PRDM1: variants seen among roughly 807,000 people sequenced by gnomAD.
PRDM1 encodes PR/SET domain 1.
A neutral mutation model predicts 62.8 loss-of-function variants in PRDM1; 13 were observed. That is an observed-to-expected ratio of 0.21 (90% confidence interval 0.13 to 0.33). PRDM1 has a LOEUF of 0.33. PRDM1 is among the 10% of genes least tolerant of loss of function. The pLI is 1.00. For synonymous variants in PRDM1, 396 were observed against 417.6 expected, an observed-to-expected ratio of 0.95 and a Z score of 0.63; for missense variants, 895 against 1,058.8, an observed-to-expected ratio of 0.85 and a Z score of 2.15.
At chr6:106,083,258 G>C (rs982522032), upstream of PRDM1, among the ~76,000 whole-genome samples, 2 of 148,700 alleles carry the variant, frequency 1.3e-5, no homozygotes, top group South Asian at 2.2e-4. Flanking sequence ...AGAAGAGGGT[G>C]GGGGGGTTAT....
intron 3 of PRDM1, chr6:106,098,996 G>A: frequency 1.9e-6 from 3 of 1,584,906 alleles, no homozygotes; most frequent in Admixed American, 1.8e-5. Context: ...CTCTGTGGTG[G>A]GTTAATCGGT....
At chr6:106,056,722 T>C (rs1186826460) in intron 1 of PRDM1, among the ~76,000 whole-genome samples, 2 of 152,240 alleles carry the variant, frequency 1.3e-5, no homozygotes, top group Admixed American at 6.5e-5. Flanking sequence ...AATAAATTCA[T>C]TTACATTCTC....
Position 106,105,283 on chromosome 6 carries a change from G to C in PRDM1, c.1123G>C (p.Ala375Pro), listed in dbSNP as rs748639953. 3.1e-6 allele frequency: 5 copies of C among 1,613,680 alleles called. No individual in the cohort carries two copies. The highest frequency in any genetic ancestry group is 4.2e-6 in the Non-Finnish European group (5 of 1,179,908). Residue 375 changes from alanine to proline, a missense_variant, in exon 5 of 7, where the codon GCT (alanine) becomes CCT (proline). By Grantham distance (27) the Ala-to-Pro change is conservative. Around this residue, in one of 4 missense-constraint regions of PRDM1, gnomAD observed 444 missense variants for 422.7 expected, o/e 1.05. Transcript: ENST00000369096. ...PGSQEHRDSYAYLNASYGTEG... is the reference protein window; with the variant it reads ...PGSQEHRDSYPYLNASYGTEG... The stretch of plus-strand genomic sequence containing the variant: ...CTCTCAAGAGCACCGGGACTCCTAC[G>C]CTTACTTGAACGCGTCCTACGGCAC...
Position 106,086,696 on chromosome 6 carries a change from T to C in PRDM1, c.42+101T>C, listed in dbSNP as rs919310300. ...TATTATTAATTTTTTTTGGCTAATGTCGCAGTAGAAACATGCTTCTGCTTT... is the reference window on the plus strand; with the variant it reads ...TATTATTAATTTTTTTTGGCTAATGCCGCAGTAGAAACATGCTTCTGCTTT... On this transcript the variant is annotated intron_variant, in intron 1 of 6. Transcript: ENST00000369096. The C allele has an allele frequency of 6.6e-5, 74 of 1,124,822 alleles. No individual in the cohort carries two copies. The East Asian group carries it at 1.8e-3, about 28-fold the overall frequency. 69.7% of individuals were successfully genotyped at this position (1,124,822 alleles called of 1,614,324 possible).
rs1582468107 is a variant in PRDM1 at position 106,096,012 on chromosome 6, T to C, written c.411+278T>C. The C allele has an allele frequency of 1.8e-5, 6 of 328,350 alleles. No homozygotes were observed. The East Asian group carries it at 3.0e-4, about 17-fold the overall frequency. 20.3% of individuals were successfully genotyped at this position (328,350 alleles called of 1,614,324 possible). ...TAATGAAAGGAAACAGTTTGTTGCTTGCTTTAAGGATAGGTTCATTTGCAT... is the reference window on the plus strand; with the variant it reads ...TAATGAAAGGAAACAGTTTGTTGCTCGCTTTAAGGATAGGTTCATTTGCAT... On this transcript the variant is annotated intron_variant, in intron 3 of 6. Transcript: ENST00000369096.
chr6:105,998,915 ATATATATATATATATATATTTTTTTTT>A (rs1315371511), intron 1 of PRDM1, among the ~76,000 whole-genome samples: 670 of 6,174 alleles, frequency 0.11, 7 homozygotes, highest in African/African-American at 0.17. Flanking sequence ...ATATATATAT[ATATATATATATATATATATTTTTTTTT>A]TTTTTTTTCT....
chr6:106,104,214 T>TC (rs1418946783), intron 4 of PRDM1, among the ~76,000 whole-genome samples: 2 of 151,900 alleles, frequency 1.3e-5, no homozygotes, highest in East Asian at 1.9e-4. Flanking sequence ...AGTTTTTTTT[T>TC]TTTTTTTCTT....
rs79247401 is a variant in PRDM1, at chr6:106,071,396, C to T, written c.-66-16805C>T. On this transcript the variant is annotated intron_variant, in intron 1 of 6. Transcript: ENST00000651185. The stretch of plus-strand genomic sequence containing the variant: ...AGTCACGTGTGTATATATATATATA[C>T]ACACACACACACATACATACATACA... 5.7e-3 allele frequency among the ~76,000 whole-genome samples: 855 copies of T among 150,036 alleles called. 15 individuals are homozygous for T. Among genetic ancestry groups the T allele is most frequent in the East Asian group, 0.045 (233 of 5,150 alleles).
chr6:106,043,258 T>C (rs1179123096), intron 1 of PRDM1, among the ~76,000 whole-genome samples: 1 of 152,220 alleles, frequency 6.6e-6, no homozygotes, highest in South Asian at 2.1e-4. Context: ...ACACAAACAA[T>C]TGCCATAATT....
intron 3 of PRDM1, chr6:106,096,167 T>TG (rs1309473346): frequency 6.0e-6 from 1 of 166,310 alleles, no homozygotes; most frequent in Non-Finnish European, 1.3e-5. Context: ...TTTTTTTTTT[T>TG]GAGATGGAGT....
At position 106,106,635 on chromosome 6, in the gene PRDM1, TG is replaced by T; in HGVS notation, c.1902+138del. ...GTCCCATCCTGGACTGATGGCACTATGGTCCTTCCCAGTACTTTGTATCTGC... is the reference window on the plus strand; with the variant it reads ...GTCCCATCCTGGACTGATGGCACTATGTCCTTCCCAGTACTTTGTATCTGC... On this transcript the variant is annotated intron_variant, in intron 6 of 6. Transcript: ENST00000369096. The surrounding 1 kb of genome is among the most constrained non-coding windows in gnomAD (Gnocchi z 4.4). 1 of 1,274,986 alleles carries T rather than the reference TG, an allele frequency of 7.8e-7. No individual in the cohort carries two copies. Among genetic ancestry groups the T allele is most frequent in the Non-Finnish European group, 1.1e-6 (1 of 929,674 alleles). 79.0% of individuals were successfully genotyped at this position (1,274,986 alleles called of 1,614,324 possible).
rs553877012 is a variant in PRDM1, at chr6:106,104,951, A to G, written c.791A>G (p.Lys264Arg). The G allele has an allele frequency of 6.2e-7, 1 of 1,614,180 alleles. No homozygotes were observed. The highest frequency in any genetic ancestry group is 2.2e-5 in the East Asian group (1 of 44,880). ...LKLDSNPSKGKDLYRSNISPL... is the reference protein window; with the variant it reads ...LKLDSNPSKGRDLYRSNISPL... Reference sequence around the variant, plus strand: ...TTGGACTCCAACCCCTCCAAAGGAAAGGACCTCTACCGTTCTAACATTTCA... The same window carrying G: ...TTGGACTCCAACCCCTCCAAAGGAAGGGACCTCTACCGTTCTAACATTTCA... The change falls in exon 5 of 7, where the codon AAG becomes AGG. Residue 264 changes from lysine (K) to arginine (R), a missense_variant. By Grantham distance (26) the Lys-to-Arg change is conservative. Transcript: ENST00000369096.
intron 2 of PRDM1, among the ~76,000 whole-genome samples, chr6:106,090,793 AC>A (rs1214976084): frequency 6.6e-6 from 1 of 152,056 alleles, no homozygotes; most frequent in African/African-American, 2.4e-5. Context: ...AAAAGATGTT[AC>A]AATATGTACT....
chr6:106,081,014 T>C (rs1397917151), intron 1 of PRDM1, among the ~76,000 whole-genome samples: 5 of 152,232 alleles, frequency 3.3e-5, no homozygotes, highest in African/African-American at 9.6e-5. Flanking sequence ...CCAGGCTATC[T>C]TCAGGTTAAA....
intron 1 of PRDM1, among the ~76,000 whole-genome samples, chr6:106,073,335 C>T (rs1012147375): frequency 3.3e-5 from 5 of 152,146 alleles, no homozygotes; most frequent in African/African-American, 1.2e-4. Flanking sequence ...GGCTGATTTC[C>T]AACTCCTGAC....
chr6:106,030,898 T>C (rs1217463327), intron 1 of PRDM1, among the ~76,000 whole-genome samples: 1 of 152,182 alleles, frequency 6.6e-6, no homozygotes, highest in Non-Finnish European at 1.5e-5. Flanking sequence ...AGTGATCCTA[T>C]TTTAATATCA....
intron 1 of PRDM1, among the ~76,000 whole-genome samples, chr6:106,039,839 CAGTT>C (rs1454474078): frequency 5.3e-5 from 8 of 152,224 alleles, no homozygotes; most frequent in African/African-American, 1.9e-4. Flanking sequence ...CTGCCTTAAT[CAGTT>C]AGCTAGTCCA....
At chr6:106,089,934 G>A (rs1014384596) in intron 2 of PRDM1, among the ~76,000 whole-genome samples, 1 of 152,152 alleles carries the variant, frequency 6.6e-6, no homozygotes, top group Non-Finnish European at 1.5e-5. Context: ...TCCATTCTGT[G>A]GGTCATCTTT....
At chr6:106,085,842 T>C (rs1773786987), upstream of PRDM1, among the ~76,000 whole-genome samples, 1 of 114,868 alleles carries the variant, frequency 8.7e-6, no homozygotes, top group Admixed American at 1.2e-4. Context: ...AACGGAATGT[T>C]ACAACTTTTG....
Sources: gnomAD v4.1 joint callset for allele counts (sites outside exome capture counted in the v4.1 genomes callset) on GRCh38, gnomAD v4.1.1 for gene constraint, gnomAD v4.1.1 regional missense constraint, Gnocchi (gnomAD v3.1) non-coding constraint, MANE v1.5 for transcripts, NCBI Gene and HGNC (gene_info 2026-07-23, HGNC 2026-07-21) for gene names.